Variants in CUEDC1 observed in about 807,000 individuals in gnomAD.
CUEDC1 encodes CUE domain containing 1, also known as CUE domain-containing protein 1.
CUEDC1 carries 30 observed loss-of-function variants against 43.7 expected under a neutral mutation model. That is an observed-to-expected ratio of 0.69 (90% confidence interval 0.51 to 0.93). The LOEUF is 0.93. CUEDC1 is among the 40% of genes least tolerant of loss of function. The probability of loss-of-function intolerance (pLI) is 0.00; values close to 1 mark genes in which losing one functional copy is unlikely to be tolerated. For missense variants in CUEDC1, 486 were observed against 549.0 expected, an observed-to-expected ratio of 0.89 and a Z score of 1.15; for synonymous variants, 223 against 223.6, an observed-to-expected ratio of 1.00 and a Z score of 0.02.
At chr17:57,917,976 C>A (rs749996778) in intron 1 of CUEDC1, among the ~76,000 whole-genome samples, 1 of 151,944 alleles carries the variant, frequency 6.6e-6, no homozygotes, top group Non-Finnish European at 1.5e-5. Flanking sequence ...CCTCAGTTTA[C>A]CCCCTCAACA....
intron 9 of CUEDC1, 78 bp from the exon 10 acceptor site, chr17:57,866,622 G>C (rs1327128418): frequency 1.4e-6 from 2 of 1,413,940 alleles, no homozygotes; most frequent in Non-Finnish European, 2.0e-6. Context: ...CTGGGCAAGA[G>C]AGCTGACCCG....
chr17:57,868,571 G>A (rs1459010042), intron 7 of CUEDC1: 5 of 379,278 alleles, frequency 1.3e-5, no homozygotes, highest in African/African-American at 4.1e-5. Flanking sequence ...TCGCTTTCCC[G>A]CCGCCACCGC....
intron 1 of CUEDC1, among the ~76,000 whole-genome samples, chr17:57,935,572 C>T (rs1182713998): frequency 2.0e-5 from 3 of 152,246 alleles, no homozygotes; most frequent in Non-Finnish European, 4.4e-5. Flanking sequence ...TAGCCAGGCC[C>T]GCCCCATCCC....
chr17:57,867,041 G>A lies in CUEDC1; in HGVS notation c.1093+316C>T, dbSNP rs547184725. On this transcript the variant is annotated intron_variant, in intron 9 of 10. Transcript: ENST00000577830. ...GCCCAGTGCTTGGTTCTCAGGCCGA[G>A]GGTCCCCCATGGGGGCAGGCCTGTC... 6.5e-6 allele frequency: 3 copies of A among 464,604 alleles called. No homozygotes were observed. In the East Asian group the frequency reaches 1.1e-4, roughly 17 times the overall value. 28.8% of individuals were successfully genotyped at this position (464,604 alleles called of 1,614,324 possible).
chr17:57,935,589 C>T (rs961869952), intron 1 of CUEDC1, among the ~76,000 whole-genome samples: 1 of 151,984 alleles, frequency 6.6e-6, no homozygotes, highest in African/African-American at 2.4e-5. Context: ...TCCCCGCTGC[C>T]CTCCCTTTCC....
At chr17:57,923,281 G>A (rs1384640748) in intron 1 of CUEDC1, among the ~76,000 whole-genome samples, 1 of 152,194 alleles carries the variant, frequency 6.6e-6, no homozygotes, top group Non-Finnish European at 1.5e-5. Flanking sequence ...CCTCCTGGAA[G>A]CAGACAGTCA....
chr17:57,928,410 G>A (rs1002582801), intron 1 of CUEDC1, among the ~76,000 whole-genome samples: 42 of 151,984 alleles, frequency 2.8e-4, no homozygotes, highest in Admixed American at 9.8e-4. Flanking sequence ...TTAGCCAGGC[G>A]TGGTGGCGGG....
At chr17:57,896,060 C>G (rs532167149) in intron 1 of CUEDC1, among the ~76,000 whole-genome samples, 3 of 152,162 alleles carry the variant, frequency 2.0e-5, no homozygotes, top group Admixed American at 1.3e-4. Flanking sequence ...CCAGGTAATC[C>G]GGGTCAAGGA....
chr17:57,904,137 C>T (rs1373070), intron 1 of CUEDC1, among the ~76,000 whole-genome samples: 27,018 of 151,990 alleles, frequency 0.18, 3,315 homozygotes, highest in African/African-American at 0.35. Context: ...CCCCAGCTGG[C>T]AGGGGGCAGC....
rs183440365 is a variant in CUEDC1 at position 57,867,751 on chromosome 17, C to G, written c.1035-336G>C. The G allele has an allele frequency of 1.2e-3, 553 of 473,830 alleles. 2 individuals carry two copies. The highest frequency in any genetic ancestry group is 1.5e-3 in the Non-Finnish European group (398 of 260,534). 29.4% of individuals were successfully genotyped at this position (473,830 alleles called of 1,614,324 possible). Reference sequence around the variant, plus strand: ...AAAGGTGGAAAGCCGTATTTCTACTCGAGGAAGGGAGGGCCAACATGCTTG... The same window carrying G: ...AAAGGTGGAAAGCCGTATTTCTACTGGAGGAAGGGAGGGCCAACATGCTTG... On this transcript the variant is annotated intron_variant, in intron 8 of 10. Transcript: ENST00000577830.
At chr17:57,870,330 T>A (rs909445482) in intron 6 of CUEDC1, among the ~76,000 whole-genome samples, 1 of 152,224 alleles carries the variant, frequency 6.6e-6, no homozygotes, top group African/African-American at 2.4e-5. Context: ...CTTTCAGCCA[T>A]CAGAGCTTCT....
At chr17:57,877,400 C>T (rs184115965) in intron 3 of CUEDC1, among the ~76,000 whole-genome samples, 109 of 152,082 alleles carry the variant, frequency 7.2e-4, no homozygotes, top group African/African-American at 2.6e-3. Context: ...GAGGCTGAGG[C>T]GGGAGGACTG....
intron 1 of CUEDC1, among the ~76,000 whole-genome samples, chr17:57,932,113 AAC>A (rs61166512): frequency 0.28 from 42,087 of 149,888 alleles, 7,341 homozygotes; most frequent in African/African-American, 0.5. Flanking sequence ...CTCCACTAAA[AAC>A]ACACACACAC....
chr17:57,944,210 AT>A (rs60055226), intron 1 of CUEDC1, among the ~76,000 whole-genome samples: 9,043 of 139,564 alleles, frequency 0.065, 335 homozygotes, highest in African/African-American at 0.13. Context: ...ATATATATAT[AT>A]TTTTTTTTTT....
At chr17:57,913,763 T>C (rs1379563894) in intron 1 of CUEDC1, among the ~76,000 whole-genome samples, 4 of 152,292 alleles carry the variant, frequency 2.6e-5, no homozygotes, top group African/African-American at 7.2e-5. Flanking sequence ...ACACAATGCA[T>C]GGCTGTGTCC....
chr17:57,905,531 C>T (rs897988420), intron 1 of CUEDC1, among the ~76,000 whole-genome samples: 16 of 152,180 alleles, frequency 1.1e-4, no homozygotes, highest in Non-Finnish European at 2.1e-4. Flanking sequence ...GTGCTCAGCT[C>T]ACATTCCCCA....
Position 57,872,797 on chromosome 17 carries a change from C to A in CUEDC1, c.650G>T (p.Gly217Val), listed in dbSNP as rs753193818. The A allele has an allele frequency of 5.6e-6, 9 of 1,614,092 alleles. No homozygotes were observed. The highest frequency in any genetic ancestry group is 7.6e-6 in the Non-Finnish European group (9 of 1,180,036). Residue 217 changes from glycine to valine, a missense_variant, in exon 5 of 11, where the codon GGG becomes GTG. By Grantham distance (109) the Gly-to-Val change is moderately radical. Transcript: ENST00000577830. ...GCTCTCCTGGTCTCCGGGCCCTGGC[C>A]CAGCCATGGCAGGTGGACATCCCTC... is the stretch of plus-strand genomic sequence containing the variant. ...SGEGCPPAMA[G>V]PGPGDQESRW...
At chr17:57,877,356 C>T (rs759179748) in intron 3 of CUEDC1, among the ~76,000 whole-genome samples, 4 of 152,054 alleles carry the variant, frequency 2.6e-5, no homozygotes, top group Non-Finnish European at 4.4e-5. Context: ...TTCAGCCAAG[C>T]GTGACGGTAT....
intron 1 of CUEDC1, among the ~76,000 whole-genome samples, chr17:57,913,696 G>A (rs1285584062): frequency 6.6e-6 from 1 of 152,130 alleles, no homozygotes; most frequent in Non-Finnish European, 1.5e-5. Context: ...GATTTCTAGC[G>A]AGGAAATATC....
Sources: allele counts gnomAD v4.1 joint callset (sites outside exome capture counted in the v4.1 genomes callset), GRCh38; gene constraint gnomAD v4.1.1; transcripts MANE v1.5; gene names NCBI Gene and HGNC (gene_info 2026-07-23, HGNC 2026-07-21).